The following TBC1D32 variants were observed in gnomAD, a reference collection of about 807,000 sequenced individuals.
TBC1D32 encodes the protein protein broad-minded.
Under a neutral mutation model 170.3 loss-of-function variants are expected in TBC1D32, and 151 were observed. The observed-to-expected ratio is 0.89, with a 90% CI of 0.78 to 1.01. The LOEUF (loss-of-function observed/expected upper bound fraction) is 1.01. Ranked by LOEUF, TBC1D32 falls within the 50% of genes least tolerant of loss-of-function variation. TBC1D32 has a pLI of 0.00. For synonymous variants in TBC1D32, 498 were observed against 488.0 expected (o/e 1.02, Z -0.27); for missense variants, 1,464 against 1,457.1 (o/e 1.00, Z -0.08).
At chr6:121,247,695 C>CAAAAAAACAA (rs1797783617) in intron 17 of TBC1D32, among the ~76,000 whole-genome samples, 1 of 46,570 alleles carries the variant, frequency 2.1e-5, no homozygotes, top group Non-Finnish European at 3.5e-5. Flanking sequence ...GGCTTTAAAG[C>CAAAAAAACAA]AAAAAAAAAA....
At chr6:121,262,170 A>T (rs1478443820) in intron 15 of TBC1D32, among the ~76,000 whole-genome samples, 1 of 152,180 alleles carries the variant, frequency 6.6e-6, no homozygotes, top group Non-Finnish European at 1.5e-5. Flanking sequence ...CCTAAAAGAA[A>T]CGGGAAGAAT....
intron 24 of TBC1D32, among the ~76,000 whole-genome samples, chr6:121,145,972 G>A (rs866942102): frequency 6.6e-6 from 1 of 152,146 alleles, no homozygotes; most frequent in Non-Finnish European, 1.5e-5. Context: ...TAGGTGTGGA[G>A]GCTCTAGCTG....
intron 24 of TBC1D32, among the ~76,000 whole-genome samples, chr6:121,140,763 G>T (rs1334525486): frequency 6.6e-6 from 1 of 152,000 alleles, no homozygotes; most frequent in African/African-American, 2.4e-5. Flanking sequence ...AAAATGTAAA[G>T]TACCACTTGC....
rs376819254 is a variant in TBC1D32 at position 121,113,133 on chromosome 6, T to C, written c.3098A>G (p.Asp1033Gly). 1 of 1,611,702 alleles carries C rather than the reference T, an allele frequency of 6.2e-7. No individual in the cohort carries two copies. The highest frequency in any genetic ancestry group is 8.5e-7 in the Non-Finnish European group (1 of 1,179,134). The change falls in exon 28 of 32, where the codon GAT (aspartate) becomes GGT (glycine). Residue 1033 changes from aspartate (D) to glycine (G), a missense_variant. Transcript: ENST00000398212. The stretch of plus-strand genomic sequence containing the variant: ...ACAATGCTTTAAAACCCAGGTAAGA[T>C]CATTTTCTGCACCATCTTTTAAGAG... ...LSLLKDGAEN[D>G]LTWVLKHCER...
chr6:121,269,873 C>T (rs1483437938), intron 15 of TBC1D32, among the ~76,000 whole-genome samples: 2 of 152,084 alleles, frequency 1.3e-5, no homozygotes, highest in Non-Finnish European at 2.9e-5. Context: ...TAAAGCACTC[C>T]TCAGGAAATG....
At chr6:121,158,733 G>A (rs79868691) in intron 24 of TBC1D32, among the ~76,000 whole-genome samples, 4,477 of 152,238 alleles carry the variant, frequency 0.029, 125 homozygotes, top group African/African-American at 0.067. Flanking sequence ...AAGTGTCACA[G>A]GCACTGTATA....
chr6:121,096,704 T>C (rs1777457253), intron 30 of TBC1D32, among the ~76,000 whole-genome samples: 1 of 152,102 alleles, frequency 6.6e-6, no homozygotes, highest in East Asian at 1.9e-4. Context: ...TACTTTAAAG[T>C]TCATACGGAA....
chr6:121,309,482 CAGT>C (rs1207581093), intron 4 of TBC1D32, among the ~76,000 whole-genome samples: 4 of 151,908 alleles, frequency 2.6e-5, no homozygotes, highest in Admixed American at 1.3e-4. Flanking sequence ...TTAAAAATTT[CAGT>C]AGGAGTAAAT....
At chr6:121,213,554 A>G (rs1321857039) in intron 21 of TBC1D32, among the ~76,000 whole-genome samples, 3 of 141,488 alleles carry the variant, frequency 2.1e-5, no homozygotes, top group East Asian at 3.9e-4. Context: ...AAAATAAAAT[A>G]AAATAAAATA....
rs544005969 is a variant in TBC1D32 at position 121,324,671 on chromosome 6, T to C, written c.156-2877A>G. Among the ~76,000 whole-genome samples the C allele has an allele frequency of 4.6e-5, 7 of 152,364 alleles. No individual in the cohort carries two copies. In the South Asian group the frequency reaches 1.5e-3, roughly 32 times the overall value. On this transcript the variant is annotated intron_variant, in intron 1 of 31. Coordinates refer to ENST00000398212, the MANE Select transcript of TBC1D32 (RefSeq NM_152730.6). ...TTATTTGAAGATCTTCCCATATACA[T>C]GGAAACTTCCTATGTATACTAAATA...
intron 24 of TBC1D32, chr6:121,139,763 T>G (rs1021912481): frequency 2.0e-5 from 3 of 152,088 alleles, no homozygotes; most frequent in African/African-American, 7.2e-5. Context: ...CCCAAGAACT[T>G]TTTTACTCAC....
chr6:121,290,999 T>C (rs1285652786), intron 12 of TBC1D32, among the ~76,000 whole-genome samples: 2 of 151,922 alleles, frequency 1.3e-5, no homozygotes, highest in African/African-American at 4.8e-5. Flanking sequence ...GGGCCTGTTG[T>C]GGGGTTGGGG....
chr6:121,258,368 G>A (rs1026952513), intron 15 of TBC1D32, among the ~76,000 whole-genome samples: 1 of 151,546 alleles, frequency 6.6e-6, no homozygotes, highest in African/African-American at 2.4e-5. Flanking sequence ...TCACTAACTC[G>A]ATTGATATTT....
chr6:121,207,278 G>A (rs1258532787), intron 21 of TBC1D32, among the ~76,000 whole-genome samples: 4 of 152,054 alleles, frequency 2.6e-5, no homozygotes, highest in East Asian at 3.9e-4. Flanking sequence ...TAGGGAATTC[G>A]TATAGGTGAC....
At position 121,080,457 on chromosome 6, in the gene TBC1D32, G is replaced by A. The variant is rs1256295582; in HGVS notation, c.*314C>T. On this transcript the variant is annotated 3_prime_UTR_variant, in exon 32 of 32. Coordinates refer to ENST00000398212, the MANE Select transcript of TBC1D32 (RefSeq NM_152730.6). ...TCTCGATCTCTTGACCTCGTGATCC[G>A]CCCACCTCAGACTCCCAAAGTGCTG... The A allele has an allele frequency of 3.3e-5, 8 of 240,958 alleles. No individual in the cohort carries two copies. The highest frequency in any genetic ancestry group is 5.9e-5 in the Non-Finnish European group (7 of 117,656). The allele number at this position is 240,958 out of a possible 1,614,324, so 14.9% of individuals were successfully genotyped here.
intron 21 of TBC1D32, among the ~76,000 whole-genome samples, chr6:121,218,285 G>T (rs759092831): frequency 5.5e-4 from 83 of 152,262 alleles, no homozygotes; most frequent in Non-Finnish European, 8.7e-4. Context: ...ACTAAGGAGT[G>T]GACAAACCAT....
chr6:121,102,537 T>G (rs1293723896), intron 30 of TBC1D32, among the ~76,000 whole-genome samples: 2 of 152,192 alleles, frequency 1.3e-5, no homozygotes, highest in Admixed American at 6.5e-5. Context: ...GCTAGCCATA[T>G]GTAGAAAGCT....
At chr6:121,169,940 G>C (rs1786717721) in intron 22 of TBC1D32, among the ~76,000 whole-genome samples, 1 of 152,052 alleles carries the variant, frequency 6.6e-6, no homozygotes, top group South Asian at 2.1e-4. Flanking sequence ...CAGAATTTAT[G>C]ACTATGAACT....
At chr6:121,107,527 A>C (rs1221306081) in intron 29 of TBC1D32, among the ~76,000 whole-genome samples, 1 of 151,916 alleles carries the variant, frequency 6.6e-6, no homozygotes, top group Non-Finnish European at 1.5e-5. Flanking sequence ...CTTTATATCG[A>C]TATGTAGAAC....
Sources: allele counts gnomAD v4.1 joint callset (sites outside exome capture counted in the v4.1 genomes callset), GRCh38; gene constraint gnomAD v4.1.1; transcripts MANE v1.5; gene names NCBI Gene and HGNC (gene_info 2026-07-23, HGNC 2026-07-21).